PCDH15: variants seen among roughly 807,000 people sequenced by gnomAD.
PCDH15 encodes the protein protocadherin related 15, also known as protocadherin-15.
A neutral mutation model predicts 178.5 loss-of-function variants in PCDH15; 129 were observed. The observed-to-expected ratio is 0.72, with a 90% CI of 0.63 to 0.84. PCDH15 has a LOEUF of 0.84. Among genes scored for constraint, PCDH15 ranks in the 40% least tolerant of loss-of-function variants. The pLI is 0.00. For missense variants in PCDH15, 2,230 were observed against 2,099.9 expected (o/e 1.06, Z -1.21); for synonymous variants, 800 against 732.0 (o/e 1.09, Z -1.50).
intron 8 of PCDH15, among the ~76,000 whole-genome samples, chr10:54,290,023 T>A (rs907738054): frequency 9.9e-5 from 15 of 152,014 alleles, no homozygotes; most frequent in Non-Finnish European, 1.8e-4. Flanking sequence ...CAGGCCAACA[T>A]TCAAATTCAG....
At chr10:54,436,113 A>G (rs1375808999) in intron 3 of PCDH15, among the ~76,000 whole-genome samples, 1 of 149,772 alleles carries the variant, frequency 6.7e-6, no homozygotes, top group Non-Finnish European at 1.5e-5. Context: ...GAAGGAAGGA[A>G]AGAAGGAAAG....
chr10:55,005,561 T>C (rs971126809), intron 2 of PCDH15, among the ~76,000 whole-genome samples: 8 of 152,126 alleles, frequency 5.3e-5, no homozygotes, highest in Non-Finnish European at 1.0e-4. Context: ...TATCTTTTAT[T>C]ATCTCATAGA....
intron 3 of PCDH15, among the ~76,000 whole-genome samples, chr10:54,483,872 A>T (rs962535980): frequency 1.2e-4 from 18 of 151,870 alleles, no homozygotes; most frequent in Admixed American, 6.6e-4. Flanking sequence ...ATGTTTTGAC[A>T]AATAAGGGTG....
At chr10:55,119,422 C>T (rs888106151) in intron 2 of PCDH15, among the ~76,000 whole-genome samples, 3 of 150,436 alleles carry the variant, frequency 2.0e-5, no homozygotes, top group African/African-American at 7.4e-5. Context: ...ACTATTTCTA[C>T]TAATTATACT....
intron 1 of PCDH15, among the ~76,000 whole-genome samples, chr10:55,315,583 C>T (rs1843704113): frequency 1.3e-5 from 2 of 152,132 alleles, no homozygotes; most frequent in South Asian, 4.1e-4. Context: ...TTTATTCCAC[C>T]CTCATCACCA....
At chr10:54,813,255 T>G (rs1245126056) in intron 3 of PCDH15, among the ~76,000 whole-genome samples, 1 of 152,234 alleles carries the variant, frequency 6.6e-6, no homozygotes, top group Non-Finnish European at 1.5e-5. Context: ...TAGACTTTTA[T>G]GCACTCAGAT....
chr10:54,600,429 T>A (rs2092468487), intron 2 of PCDH15: 1 of 576,478 alleles, frequency 1.7e-6, no homozygotes, highest in Non-Finnish European at 3.4e-6. Context: ...TTGTCACCAA[T>A]GACCTAGACT....
chr10:55,535,611 A>C (rs1841559898), intron 2 of PCDH15, among the ~76,000 whole-genome samples: 1 of 151,990 alleles, frequency 6.6e-6, no homozygotes, highest in African/African-American at 2.4e-5. Context: ...ATACAAGTTA[A>C]CATTTAACTT....
intron 2 of PCDH15, among the ~76,000 whole-genome samples, chr10:55,339,590 A>G (rs1032986703): frequency 1.3e-5 from 2 of 152,146 alleles, no homozygotes; most frequent in Non-Finnish European, 2.9e-5. Context: ...TTTTATAAAT[A>G]GTTTCAGGAC....
intron 7 of PCDH15, among the ~76,000 whole-genome samples, chr10:54,325,476 C>T (rs1422809881): frequency 1.3e-5 from 2 of 152,034 alleles, no homozygotes; most frequent in South Asian, 2.1e-4. Flanking sequence ...CTGCCAGGTG[C>T]AGTGGCTCAT....
In PCDH15 at chr10:54,568,408, T is replaced by G. The variant is rs529678312; in HGVS notation, c.92-40531A>C. 4.6e-5 allele frequency among the ~76,000 whole-genome samples: 7 copies of G among 152,258 alleles called. No homozygotes were observed. The South Asian group carries it at 1.2e-3, about 27-fold the overall frequency. ...ATAATACATATCACTACCTGATATA[T>G]TACATCTTCATTTGTTTATTCAAAA... On this transcript the variant is annotated intron_variant, in intron 2 of 37. Coordinates refer to ENST00000644397, the MANE Select transcript of PCDH15 (RefSeq NM_001384140.1).
intron 3 of PCDH15, among the ~76,000 whole-genome samples, chr10:54,822,106 A>G (rs1423954435): frequency 1.3e-5 from 2 of 152,210 alleles, no homozygotes; most frequent in Non-Finnish European, 2.9e-5. Context: ...GCAACAATCA[A>G]TAAGGGTAAT....
chr10:53,900,562 C>G (rs555558762), intron 26 of PCDH15, among the ~76,000 whole-genome samples: 1 of 152,298 alleles, frequency 6.6e-6, no homozygotes, highest in Non-Finnish European at 1.5e-5. Flanking sequence ...TACTACCAAA[C>G]TTTCGCCAGA....
intron 1 of PCDH15, among the ~76,000 whole-genome samples, chr10:55,274,457 A>G (rs1842531942): frequency 6.6e-6 from 1 of 152,046 alleles, no homozygotes; most frequent in South Asian, 2.1e-4. Context: ...CCCAATGGGA[A>G]CTAACCTTAA....
intron 3 of PCDH15, among the ~76,000 whole-genome samples, chr10:54,823,242 C>T (rs1483993657): frequency 1.3e-5 from 2 of 152,082 alleles, no homozygotes; most frequent in Non-Finnish European, 2.9e-5. Flanking sequence ...CGCACACGCA[C>T]ACGCATATAC....
intron 2 of PCDH15, among the ~76,000 whole-genome samples, chr10:55,595,968 T>C (rs2132136877): frequency 6.6e-6 from 1 of 152,206 alleles, no homozygotes; most frequent in East Asian, 1.9e-4. Flanking sequence ...GGTTGATAAA[T>C]TAATTATTGT....
chr10:54,991,120 T>A (rs1288351528), intron 2 of PCDH15, among the ~76,000 whole-genome samples: 1 of 152,212 alleles, frequency 6.6e-6, no homozygotes, highest in African/African-American at 2.4e-5. Flanking sequence ...TTTTGAAAGA[T>A]ACTTTGTAGT....
intron 8 of PCDH15, among the ~76,000 whole-genome samples, chr10:54,309,567 G>T (rs573320246): frequency 6.6e-6 from 1 of 152,230 alleles, no homozygotes; most frequent in African/African-American, 2.4e-5. Flanking sequence ...GCCAAGGCAG[G>T]TAGATCATCT....
intron 1 of PCDH15, among the ~76,000 whole-genome samples, chr10:55,181,114 T>C (rs1470234024): frequency 6.6e-6 from 1 of 151,698 alleles, no homozygotes; most frequent in African/African-American, 2.4e-5. Context: ...GTGAAGAGAA[T>C]AGAAGTCTGA....
Sources: allele counts gnomAD v4.1 joint callset (sites outside exome capture counted in the v4.1 genomes callset), GRCh38; gene constraint gnomAD v4.1.1; transcripts MANE v1.5; gene names NCBI Gene and HGNC (gene_info 2026-07-23, HGNC 2026-07-21).